Variants in SULF2 observed in about 807,000 individuals in gnomAD.
SULF2 encodes sulfatase 2.
SULF2 carries 52 observed loss-of-function variants against 107.7 expected under a neutral mutation model. The ratio of observed to expected loss-of-function variants is 0.48; its 90% CI spans 0.39 to 0.61. The LOEUF is 0.61. SULF2 is among the 20% of genes least tolerant of loss of function. SULF2 has a pLI of 0.00. For missense variants in SULF2, 993 were observed against 1,177.3 expected, an observed-to-expected ratio of 0.84 and a Z score of 2.29; for synonymous variants, 460 against 464.3, an observed-to-expected ratio of 0.99 and a Z score of 0.12.
chr20:47,731,191 T>TTTTTTTTTTTTTTTATTTA (rs2089598734), intron 3 of SULF2, among the ~76,000 whole-genome samples: 1 of 96,450 alleles, frequency 1.0e-5, no homozygotes, highest in African/African-American at 4.2e-5. Flanking sequence ...TCTTCTCTTT[T>TTTTTTTTTTTTTTTATTTA]TTTTTTTTTT....
In SULF2 at chr20:47,680,645, C is replaced by T. The variant is rs534745393; in HGVS notation, c.1065-1841G>A. 6.6e-6 allele frequency among the ~76,000 whole-genome samples: 1 copy of T among 152,354 alleles called. No homozygotes were observed. Among genetic ancestry groups the T allele is most frequent in the Admixed American group, 6.5e-5 (1 of 15,298 alleles). ...GGCAGGCTGCCAAGCATGTGTGCAGCTGCTGAAGATGGGGCTGTGTCATGG... is the reference window on the plus strand; with the variant it reads ...GGCAGGCTGCCAAGCATGTGTGCAGTTGCTGAAGATGGGGCTGTGTCATGG... On this transcript the variant is annotated intron_variant, in intron 7 of 20. Coordinates refer to ENST00000688720, the MANE Select transcript of SULF2 (RefSeq NM_001387048.1). This position sits in a 1 kb window ranked among gnomAD's most constrained non-coding sequence, Gnocchi z 4.2.
In SULF2 at chr20:47,757,323, G is replaced by C. The variant is rs1318010816; in HGVS notation, c.41C>G (p.Thr14Ser). 1.9e-6 allele frequency: 3 copies of C among 1,602,870 alleles called. No homozygotes were observed. The highest frequency in any genetic ancestry group is 2.6e-6 in the Non-Finnish European group (3 of 1,174,510). The change falls in exon 2 of 21, where the codon ACT (threonine) becomes AGT (serine). Residue 14 changes from threonine to serine, a missense_variant. Around this residue, in one of 3 missense-constraint regions of SULF2, gnomAD observed 388 missense variants for 449.2 expected, o/e 0.86. Transcript: ENST00000688720. ...GCTTCCACCCAGCAGGGAGAACACA[G>C]TTGCGGACAGCAAGCACAGCACGAG... ...PSLVLCLLSATVFSLLGGSSA... is the reference protein window; with the variant it reads ...PSLVLCLLSASVFSLLGGSSA...
chr20:47,712,500 T>C (rs2088965385), intron 3 of SULF2, among the ~76,000 whole-genome samples: 1 of 152,204 alleles, frequency 6.6e-6, no homozygotes, highest in Non-Finnish European at 1.5e-5. Context: ...GTTTTCTTGT[T>C]TATCCTCATT....
At chr20:47,760,072 T>G (rs1255270560) in intron 1 of SULF2, among the ~76,000 whole-genome samples, 3 of 152,206 alleles carry the variant, frequency 2.0e-5, no homozygotes, top group African/African-American at 7.2e-5. Flanking sequence ...TGCCATAGCT[T>G]GGGTCTACAT....
chr20:47,676,785 T>A, intron 9 of SULF2, 162 bp from the exon 10 acceptor site: 1 of 820,770 alleles, frequency 1.2e-6, no homozygotes. Context: ...TTAGGAAACT[T>A]AAGACATTGG....
chr20:47,726,388 AT>A lies in SULF2; in HGVS notation c.415+10314del, dbSNP rs1456101388. Among the ~76,000 whole-genome samples the A allele has an allele frequency of 4.0e-4, 60 of 150,978 alleles. 1 individual carries two copies. Among genetic ancestry groups the A allele is most frequent in the Admixed American group, 3.7e-3 (57 of 15,204 alleles). ...GTCCAGCTAATTTTTTTTTTTTCAA[AT>A]TTTTTGTAAAGATACAGGTCTTACT... On this transcript the variant is annotated intron_variant, in intron 3 of 20. Transcript: ENST00000688720.
At chr20:47,725,092 G>C (rs2089403539) in intron 3 of SULF2, among the ~76,000 whole-genome samples, 1 of 152,206 alleles carries the variant, frequency 6.6e-6, no homozygotes, top group African/African-American at 2.4e-5. Context: ...CCTGCACCTA[G>C]ACACAGATTC....
intron 3 of SULF2, among the ~76,000 whole-genome samples, chr20:47,729,362 G>A (rs1342011482): frequency 4.6e-5 from 7 of 152,198 alleles, no homozygotes; most frequent in Non-Finnish European, 8.8e-5. Context: ...AGGAGAAAGA[G>A]CATCTGAACT....
At chr20:47,759,697 C>T (rs2090375317) in intron 1 of SULF2, among the ~76,000 whole-genome samples, 1 of 151,928 alleles carries the variant, frequency 6.6e-6, no homozygotes, top group Admixed American at 6.6e-5. Context: ...GTCTCAAAAA[C>T]AACAACAACA....
At chr20:47,761,717 G>T (rs983848108) in intron 1 of SULF2, among the ~76,000 whole-genome samples, 2 of 152,224 alleles carry the variant, frequency 1.3e-5, no homozygotes, top group Admixed American at 6.5e-5. Flanking sequence ...CTGCCAGACA[G>T]CTGAAAAGGA....
intron 3 of SULF2, among the ~76,000 whole-genome samples, chr20:47,706,095 C>T (rs952860257): frequency 1.3e-5 from 2 of 152,024 alleles, no homozygotes; most frequent in East Asian, 1.9e-4. Flanking sequence ...CACCATACGT[C>T]GCTGAGAAAC....
intron 1 of SULF2, among the ~76,000 whole-genome samples, chr20:47,784,735 G>A (rs1490561975): frequency 6.6e-6 from 1 of 152,232 alleles, no homozygotes; most frequent in Non-Finnish European, 1.5e-5. Context: ...TGCACTCCTA[G>A]AATTCACCGC....
chr20:47,672,644 G>C (rs1231690221), intron 10 of SULF2: 2 of 771,184 alleles, frequency 2.6e-6, no homozygotes, highest in Non-Finnish European at 3.2e-6. Flanking sequence ...GCTTCTGTCT[G>C]CTCCTAAAAT....
intron 10 of SULF2, among the ~76,000 whole-genome samples, chr20:47,673,982 A>C (rs780717709): frequency 1.1e-4 from 17 of 152,306 alleles, no homozygotes; most frequent in Non-Finnish European, 2.4e-4. Flanking sequence ...CCAACCCAAC[A>C]AACTCAGCTG....
chr20:47,703,726 T>C (rs1325216761), intron 3 of SULF2, among the ~76,000 whole-genome samples: 5 of 152,224 alleles, frequency 3.3e-5, no homozygotes, highest in African/African-American at 1.2e-4. Flanking sequence ...GACAGCACAT[T>C]TGTAATAGTA....
Position 47,672,443 on chromosome 20 carries a change from C to G in SULF2, c.1381-50G>C, listed in dbSNP as rs762175669. The G allele has an allele frequency of 2.0e-6, 3 of 1,496,730 alleles. No individual in the cohort carries two copies. The Admixed American group carries it at 6.1e-5, about 30-fold the overall frequency. The allele number at this position is 1,496,730 out of a possible 1,614,324, so 92.7% of individuals were successfully genotyped here. A position where few individuals can be genotyped will look rare whatever the true frequency, so the allele number is the denominator to read the frequency against. ...CCAGCTGCTCATCTGCTCCCCTAAACCCGCCTCTCCCCTGCCACCCCCATC... is the reference window on the plus strand; with the variant it reads ...CCAGCTGCTCATCTGCTCCCCTAAAGCCGCCTCTCCCCTGCCACCCCCATC... On this transcript the variant is annotated intron_variant, in intron 10 of 20. Transcript: ENST00000688720.
rs1049617867 is a variant in SULF2 at position 47,678,998 on chromosome 20, C to T, written c.1065-194G>A. Among the ~76,000 whole-genome samples, 1 of 142,512 alleles carries T rather than the reference C, an allele frequency of 7.0e-6. No individual in the cohort carries two copies. The highest frequency in any genetic ancestry group is 7.0e-5 in the Admixed American group (1 of 14,200). The allele number at this position is 142,512 out of a possible 152,430, so 93.5% of individuals were successfully genotyped here. ...GATTCAGCTGAACCCCCACTCTGTG[C>T]TCGCCCCCCCTTAGTTTCTGTGTCT... On this transcript the variant is annotated intron_variant, in intron 7 of 20. Coordinates refer to ENST00000688720, the MANE Select transcript of SULF2 (RefSeq NM_001387048.1). The surrounding 1 kb of genome is among the most constrained non-coding windows in gnomAD (Gnocchi z 4.5).
At chr20:47,712,182 T>A (rs1296894512) in intron 3 of SULF2, among the ~76,000 whole-genome samples, 1 of 152,238 alleles carries the variant, frequency 6.6e-6, no homozygotes, top group African/African-American at 2.4e-5. Context: ...GAGCCCAGAC[T>A]TCCCCAAATG....
At position 47,666,404 on chromosome 20, in the gene SULF2, C is replaced by T. The variant is rs1361445423; in HGVS notation, c.1661G>A (p.Gly554Asp). The T allele has an allele frequency of 6.2e-7, 1 of 1,614,030 alleles. No homozygotes were observed. The highest frequency in any genetic ancestry group is 8.5e-7 in the Non-Finnish European group (1 of 1,180,048). ...GAGGTTTCGGGGCTGGGCGGCATCA[C>T]CCAGGCCTACGTGGTACACCCTGCC... is the stretch of plus-strand genomic sequence containing the variant. ...VDGRVYHVGL[G>D]DAAQPRNLTK... Residue 554 changes from glycine to aspartate, a missense_variant, in exon 12 of 21, where the codon GGT (glycine) becomes GAT (aspartate). Coordinates refer to ENST00000688720, the MANE Select transcript of SULF2 (RefSeq NM_001387048.1). The surrounding 1 kb of genome is among the most constrained non-coding windows in gnomAD (Gnocchi z 5.4).
Sources: allele counts gnomAD v4.1 joint callset (sites outside exome capture counted in the v4.1 genomes callset), GRCh38; gene constraint gnomAD v4.1.1; regional missense constraint gnomAD v4.1.1; non-coding constraint Gnocchi (gnomAD v3.1); transcripts MANE v1.5; gene names NCBI Gene and HGNC (gene_info 2026-07-23, HGNC 2026-07-21).